Variants in CCDC172 observed in about 807,000 individuals in gnomAD.
CCDC172 encodes coiled-coil domain-containing protein 172.
In CCDC172, 30 loss-of-function variants were observed where a neutral mutation model predicts 38.0. The observed-to-expected ratio is 0.79, with a 90% CI of 0.59 to 1.07. The LOEUF is 1.07. Among genes scored for constraint, CCDC172 ranks in the 50% least tolerant of loss-of-function variants. The pLI, the probability that CCDC172 is intolerant of heterozygous loss-of-function variation, is 0.00. For synonymous variants in CCDC172, 78 were observed against 88.3 expected, an observed-to-expected ratio of 0.88 and a Z score of 0.66; for missense variants, 297 against 290.1, an observed-to-expected ratio of 1.02 and a Z score of -0.17.
intron 5 of CCDC172, among the ~76,000 whole-genome samples, chr10:116,346,612 C>G (rs756783610): frequency 2.7e-5 from 4 of 150,776 alleles, no homozygotes; most frequent in Non-Finnish European, 5.9e-5. Context: ...ATTGTATGCT[C>G]TAAATGAATA....
intron 7 of CCDC172, among the ~76,000 whole-genome samples, chr10:116,364,412 G>A (rs1845099048): frequency 6.6e-6 from 1 of 152,004 alleles, no homozygotes; most frequent in Admixed American, 6.5e-5. Context: ...ATCTTAAAAT[G>A]TTTATGCCAT....
chr10:116,363,584 A>C (rs547852660), intron 7 of CCDC172, among the ~76,000 whole-genome samples: 2 of 152,294 alleles, frequency 1.3e-5, no homozygotes, highest in African/African-American at 2.4e-5. Context: ...CTACTTATTA[A>C]ACCTCTAGTG....
chr10:116,370,569 A>G (rs1589959669), intron 7 of CCDC172, among the ~76,000 whole-genome samples: 1 of 151,324 alleles, frequency 6.6e-6, no homozygotes, highest in South Asian at 2.1e-4. Context: ...CCACTGTTCT[A>G]TTTATATGCC....
At chr10:116,368,403 TC>T (rs751767362) in intron 7 of CCDC172, among the ~76,000 whole-genome samples, 5 of 152,058 alleles carry the variant, frequency 3.3e-5, no homozygotes, top group Non-Finnish European at 5.9e-5. Context: ...AAAAGAGGTT[TC>T]CTTTTCCCCT....
chr10:116,324,807 G>T (rs1205642557), intron 1 of CCDC172, 140 bp from the exon 2 acceptor site: 1 of 577,422 alleles, frequency 1.7e-6, no homozygotes, highest in Non-Finnish European at 3.1e-6. Context: ...GCAGCGGCCA[G>T]CGTCCCTAGA....
chr10:116,335,607 C>T (rs913852506), intron 3 of CCDC172, among the ~76,000 whole-genome samples: 18 of 151,972 alleles, frequency 1.2e-4, no homozygotes, highest in African/African-American at 4.4e-4. Flanking sequence ...AACTCTGAGT[C>T]ACACTTAAGA....
At chr10:116,353,447 C>T (rs1361386514) in intron 5 of CCDC172, among the ~76,000 whole-genome samples, 4 of 152,050 alleles carry the variant, frequency 2.6e-5, no homozygotes, top group East Asian at 1.9e-4. Flanking sequence ...AGTGAAAAGA[C>T]GACCACAAAA....
intron 7 of CCDC172, among the ~76,000 whole-genome samples, chr10:116,363,586 C>A (rs952446843): frequency 1.3e-5 from 2 of 152,036 alleles, no homozygotes; most frequent in African/African-American, 4.8e-5. Flanking sequence ...ACTTATTAAA[C>A]CTCTAGTGTG....
At chr10:116,326,436 G>C (rs2134897354) in intron 3 of CCDC172, among the ~76,000 whole-genome samples, 1 of 152,238 alleles carries the variant, frequency 6.6e-6, no homozygotes, top group East Asian at 1.9e-4. Context: ...AAGTCTGTTT[G>C]AGGAAGTCTG....
intron 1 of CCDC172, 32 bp from the exon 2 acceptor site, chr10:116,324,915 G>C: frequency 9.9e-7 from 1 of 1,014,120 alleles, no homozygotes; most frequent in Non-Finnish European, 1.5e-6. Context: ...AATGGTTCTA[G>C]AAGAATCCAT....
intron 7 of CCDC172, among the ~76,000 whole-genome samples, chr10:116,371,727 G>A (rs1351500181): frequency 6.6e-6 from 1 of 152,026 alleles, no homozygotes; most frequent in East Asian, 1.9e-4. Context: ...GTTACTGGGT[G>A]AGAAATAGAC....
chr10:116,353,871 G>A (rs560201845), intron 5 of CCDC172, among the ~76,000 whole-genome samples: 21 of 152,318 alleles, frequency 1.4e-4, no homozygotes, highest in African/African-American at 5.1e-4. Context: ...CAGCAATAGT[G>A]TTGGCAAGAA....
At chr10:116,326,911 T>C (rs574900838) in intron 3 of CCDC172, among the ~76,000 whole-genome samples, 3 of 152,334 alleles carry the variant, frequency 2.0e-5, no homozygotes, top group Non-Finnish European at 4.4e-5. Flanking sequence ...GTAAACTAGC[T>C]GCTACCAGCA....
intron 5 of CCDC172, among the ~76,000 whole-genome samples, chr10:116,353,846 T>C (rs1317235580): frequency 6.6e-6 from 1 of 152,218 alleles, no homozygotes; most frequent in African/African-American, 2.4e-5. Context: ...CTAGTGTGGC[T>C]ATAATAAAGG....
intron 3 of CCDC172, among the ~76,000 whole-genome samples, chr10:116,338,058 GT>G (rs1844751668): frequency 6.6e-6 from 1 of 152,112 alleles, no homozygotes; most frequent in Non-Finnish European, 1.5e-5. Context: ...AGATTCAAAA[GT>G]TTTTGTTTCC....
rs1844570485 is a variant in CCDC172 at position 116,324,950 on chromosome 10, C to T, written c.-62C>T. ...TCTTCTTTATTCTGCTTTCCAGGATCCTCAGAGTTGGTTATAAAATATTTA... is the reference window on the plus strand; with the variant it reads ...TCTTCTTTATTCTGCTTTCCAGGATTCTCAGAGTTGGTTATAAAATATTTA... On this transcript the variant is annotated 5_prime_UTR_variant, in exon 2 of 9. Transcript: ENST00000333254. 1.5e-6 allele frequency: 2 copies of T among 1,318,162 alleles called. No individual in the cohort carries two copies. The highest frequency in any genetic ancestry group is 1.4e-5 in the African/African-American group (1 of 69,150). 81.7% of individuals were successfully genotyped at this position (1,318,162 alleles called of 1,614,324 possible).
Position 116,379,312 on chromosome 10 carries a change from T to A in CCDC172, c.742-11T>A. 6.4e-7 allele frequency: 1 copy of A among 1,555,486 alleles called. No individual in the cohort carries two copies. On this transcript the variant is annotated splice_polypyrimidine_tract_variant and intron_variant, in intron 8 of 8. Transcript: ENST00000333254. Reference sequence around the variant, plus strand: ...TTTTCCTCATGAGTAATTACTATGTTTTCTTTTCAGACATTGGCACAGAAA... The same window carrying A: ...TTTTCCTCATGAGTAATTACTATGTATTCTTTTCAGACATTGGCACAGAAA...
At chr10:116,363,931 CA>C (rs5788159) in intron 7 of CCDC172, among the ~76,000 whole-genome samples, 12,986 of 145,374 alleles carry the variant, frequency 0.089, 878 homozygotes, top group East Asian at 0.23. Context: ...GACTTGGTCT[CA>C]AAAAAAAAAA....
chr10:116,348,778 T>G (rs747094426), intron 5 of CCDC172, among the ~76,000 whole-genome samples: 3 of 152,214 alleles, frequency 2.0e-5, no homozygotes, highest in Non-Finnish European at 4.4e-5. Context: ...AAAGGCATGC[T>G]GCCCTCTTTT....
Sources: gnomAD v4.1 joint callset for allele counts (sites outside exome capture counted in the v4.1 genomes callset) on GRCh38, gnomAD v4.1.1 for gene constraint, MANE v1.5 for transcripts, NCBI Gene and HGNC (gene_info 2026-07-23, HGNC 2026-07-21) for gene names.